IL1RAPL1: variants seen among roughly 807,000 people sequenced by gnomAD.
The protein encoded by IL1RAPL1 is interleukin-1 receptor accessory protein-like 1.
IL1RAPL1 carries 3 observed loss-of-function variants against 48.4 expected under a neutral mutation model. The observed-to-expected ratio is 0.06, with a 90% confidence interval of 0.03 to 0.16. The LOEUF is 0.16. Among genes scored for constraint, IL1RAPL1 ranks in the 10% least tolerant of loss-of-function variants. The pLI, the probability that IL1RAPL1 is intolerant of heterozygous loss-of-function variation, is 1.00. For synonymous variants in IL1RAPL1, 185 were observed against 187.7 expected, an observed-to-expected ratio of 0.99 and a Z score of 0.12; for missense variants, 349 against 530.6, an observed-to-expected ratio of 0.66 and a Z score of 3.36.
At chrX:29,760,604 A>C (rs1187741686) in intron 6 of IL1RAPL1, among the ~76,000 whole-genome samples, 1 of 111,413 alleles carries the variant, frequency 9.0e-6, no homozygotes, top group Non-Finnish European at 1.9e-5. Flanking sequence ...TGGAATCTAC[A>C]TTTTTAAACA....
intron 6 of IL1RAPL1, among the ~76,000 whole-genome samples, chrX:29,855,016 A>G (rs1210657159): frequency 1.8e-5 from 2 of 112,047 alleles, no homozygotes; most frequent in African/African-American, 3.3e-5. Context: ...TTCGTAAATT[A>G]TAGAACACCC....
intron 2 of IL1RAPL1, among the ~76,000 whole-genome samples, chrX:29,227,258 A>G (rs1931100597): frequency 9.0e-6 from 1 of 110,575 alleles, no homozygotes; most frequent in Non-Finnish European, 1.9e-5. Context: ...ATTAATTAAA[A>G]CTAAAGAATA....
intron 6 of IL1RAPL1, among the ~76,000 whole-genome samples, chrX:29,686,759 A>C (rs768105428): frequency 9.2e-6 from 1 of 108,890 alleles, no homozygotes; most frequent in African/African-American, 3.3e-5. Flanking sequence ...GGGTTTCACC[A>C]TGTTAGCCAG....
At chrX:29,149,227 T>C (rs964972801) in intron 2 of IL1RAPL1, among the ~76,000 whole-genome samples, 2 of 110,787 alleles carry the variant, frequency 1.8e-5, no homozygotes, top group Non-Finnish European at 3.8e-5. Flanking sequence ...TACATATGTT[T>C]AAAAATACTA....
At chrX:28,921,293 C>T (rs1923611047) in intron 2 of IL1RAPL1, among the ~76,000 whole-genome samples, 1 of 111,665 alleles carries the variant, frequency 9.0e-6, no homozygotes, top group South Asian at 3.7e-4. Context: ...TATTAGATGG[C>T]ACATTAATTT....
At chrX:29,611,695 C>A (rs1226561696) in intron 5 of IL1RAPL1, among the ~76,000 whole-genome samples, 3 of 111,113 alleles carry the variant, frequency 2.7e-5, no homozygotes, top group African/African-American at 9.8e-5. Context: ...CCTTTTGCAC[C>A]CTGCCCTCTT....
intron 3 of IL1RAPL1, among the ~76,000 whole-genome samples, chrX:29,329,808 C>T (rs764577917): frequency 9.6e-4 from 98 of 102,195 alleles, no homozygotes; most frequent in African/African-American, 3.6e-3. Flanking sequence ...TATGAAACTC[C>T]GTCTTAAAAA....
rs749866102 is a variant in IL1RAPL1, at chrX:29,802,809, A to ATG, written c.779-114649_779-114648dup. On this transcript the variant is annotated intron_variant, in intron 6 of 10. Coordinates refer to ENST00000378993, the MANE Select transcript of IL1RAPL1 (RefSeq NM_014271.4). ...TGTGTGTGTATATATATATATATAT[A>ATG]TGTGTGTATATATATGTATACATAT... Among the ~76,000 whole-genome samples the ATG allele has an allele frequency of 2.5e-3, 117 of 46,756 alleles. 5 individuals carry two copies. The highest frequency in any genetic ancestry group is 0.012 in the African/African-American group (93 of 8,011). 40.6% of individuals were successfully genotyped at this position (46,756 alleles called of 115,157 possible). A position where few individuals can be genotyped will look rare whatever the true frequency, so the allele number is the denominator to read the frequency against.
At chrX:29,601,486 A>T (rs1054598826) in intron 5 of IL1RAPL1, among the ~76,000 whole-genome samples, 1 of 111,960 alleles carries the variant, frequency 8.9e-6, no homozygotes, top group Non-Finnish European at 1.9e-5. Context: ...ATCAGTGAAC[A>T]TGTTCCTTTC....
chrX:29,666,752 A>T, intron 5 of IL1RAPL1, among the ~76,000 whole-genome samples: 1 of 110,867 alleles, frequency 9.0e-6, no homozygotes, highest in Non-Finnish European at 1.9e-5. Flanking sequence ...AACAGGGAAC[A>T]GTTCTCTCAG....
chrX:29,796,963 G>A (rs1488245679), intron 6 of IL1RAPL1, among the ~76,000 whole-genome samples: 2 of 112,544 alleles, frequency 1.8e-5, no homozygotes. Context: ...AGTCACCTGT[G>A]TGGTTCCTTG....
intron 5 of IL1RAPL1, among the ~76,000 whole-genome samples, chrX:29,535,215 A>AGTGT (rs1270541083): frequency 3.7e-5 from 4 of 107,733 alleles, no homozygotes; most frequent in Non-Finnish European, 7.7e-5. Context: ...TATTATCTTT[A>AGTGT]CCAGTTGTCA....
At chrX:29,932,698 T>G (rs1569206768) in intron 8 of IL1RAPL1, among the ~76,000 whole-genome samples, 1 of 111,990 alleles carries the variant, frequency 8.9e-6, no homozygotes, top group East Asian at 2.8e-4. Flanking sequence ...ATTGTGATAC[T>G]TATAATGTAG....
chrX:28,875,655 G>A (rs775582355), intron 2 of IL1RAPL1, among the ~76,000 whole-genome samples: 108 of 110,898 alleles, frequency 9.7e-4, no homozygotes, highest in Middle Eastern at 4.7e-3. Flanking sequence ...TAGCTTGGTG[G>A]CTTGGTGGCA....
chrX:29,527,017 T>G (rs1248464041), intron 5 of IL1RAPL1, among the ~76,000 whole-genome samples: 1 of 111,468 alleles, frequency 9.0e-6, no homozygotes. Context: ...CTACAAAGCC[T>G]CAACAAATAA....
intron 2 of IL1RAPL1, among the ~76,000 whole-genome samples, chrX:29,033,899 GACACAC>G (rs372644096): frequency 9.7e-6 from 1 of 103,103 alleles, no homozygotes; most frequent in Non-Finnish European, 2.0e-5. Flanking sequence ...CAAGAAATGG[GACACAC>G]ACACACACAC....
intron 2 of IL1RAPL1, among the ~76,000 whole-genome samples, chrX:28,974,049 C>T (rs1925147315): frequency 1.8e-5 from 2 of 111,463 alleles, no homozygotes; most frequent in African/African-American, 3.3e-5. Context: ...TATAATTTTG[C>T]TCAAACAAAT....
At chrX:29,035,303 GAGAC>G (rs1438972341) in intron 2 of IL1RAPL1, among the ~76,000 whole-genome samples, 1 of 111,579 alleles carries the variant, frequency 9.0e-6, no homozygotes, top group African/African-American at 3.3e-5. Context: ...GTTATAGTGA[GAGAC>G]AGACACCTAT....
At chrX:29,721,122 A>C (rs987837031) in intron 6 of IL1RAPL1, among the ~76,000 whole-genome samples, 2 of 111,113 alleles carry the variant, frequency 1.8e-5, no homozygotes, top group Non-Finnish European at 3.8e-5. Flanking sequence ...TAGAGATTTC[A>C]GCCGAACCAC....
Sources: allele counts gnomAD v4.1 joint callset (sites outside exome capture counted in the v4.1 genomes callset), GRCh38; gene constraint gnomAD v4.1.1; transcripts MANE v1.5; gene names NCBI Gene and HGNC (gene_info 2026-07-23, HGNC 2026-07-21).